The following RALGPS2 variants were observed in gnomAD, a reference collection of about 807,000 sequenced individuals.
The protein encoded by RALGPS2 is ras-specific guanine nucleotide-releasing factor RalGPS2.
A neutral mutation model predicts 86.8 loss-of-function variants in RALGPS2; 43 were observed. The observed-to-expected ratio is 0.50, with a 90% CI of 0.39 to 0.64. RALGPS2 has a LOEUF of 0.64. Among genes scored for constraint, RALGPS2 ranks in the 30% least tolerant of loss-of-function variants. The pLI is 0.00. For synonymous variants in RALGPS2, 243 were observed against 231.3 expected (o/e 1.05, Z -0.46); for missense variants, 536 against 694.6 (o/e 0.77, Z 2.57).
At chr1:178,803,361 A>G (rs1337532748) in intron 4 of RALGPS2, among the ~76,000 whole-genome samples, 1 of 151,926 alleles carries the variant, frequency 6.6e-6, no homozygotes, top group African/African-American at 2.4e-5. Flanking sequence ...TTAATTTGAT[A>G]GACACTTTGA....
At chr1:178,876,568 A>G (rs917158397) in intron 8 of RALGPS2, among the ~76,000 whole-genome samples, 2 of 152,240 alleles carry the variant, frequency 1.3e-5, no homozygotes, top group Non-Finnish European at 2.9e-5. Flanking sequence ...CATTTTAGGT[A>G]TAAGAAAAAG....
At chr1:178,883,412 A>G (rs942888212) in intron 10 of RALGPS2, 54 bp from the exon 11 acceptor site, 11 of 1,352,386 alleles carry the variant, frequency 8.1e-6, no homozygotes, top group Non-Finnish European at 1.1e-5. Flanking sequence ...CTTTAATCTT[A>G]TTTTGTCAAA....
chr1:178,897,094 AAAAC>A (rs1371657133), intron 16 of RALGPS2, among the ~76,000 whole-genome samples: 65 of 152,202 alleles, frequency 4.3e-4, no homozygotes, highest in African/African-American at 1.1e-3. Context: ...TTACAAGAAA[AAAAC>A]AAACAACCCC....
chr1:178,886,827 G>A (rs536753078), intron 13 of RALGPS2, among the ~76,000 whole-genome samples: 4 of 152,326 alleles, frequency 2.6e-5, no homozygotes, highest in Admixed American at 6.5e-5. Context: ...AGTATCTCAA[G>A]GAGGAGGAAA....
intron 8 of RALGPS2, among the ~76,000 whole-genome samples, chr1:178,876,705 C>T (rs1659019634): frequency 6.6e-6 from 1 of 152,142 alleles, no homozygotes; most frequent in Non-Finnish European, 1.5e-5. Context: ...TTCTCTCCAG[C>T]TATAGTTGTC....
intron 11 of RALGPS2, 105 bp downstream of exon 11, chr1:178,883,638 TA>T: frequency 2.4e-6 from 2 of 827,032 alleles, no homozygotes; most frequent in Admixed American, 2.7e-5. Flanking sequence ...ATACTGCATG[TA>T]AAATTTATTT....
At chr1:178,735,431 C>CTTTTTTTTTTTTT (rs565080292) in intron 1 of RALGPS2, among the ~76,000 whole-genome samples, 1 of 134,444 alleles carries the variant, frequency 7.4e-6, no homozygotes, top group African/African-American at 2.7e-5. Flanking sequence ...TTTTTCTTTT[C>CTTTTTTTTTTTTT]TTTTTTTTTT....
At chr1:178,916,232 G>A in intron 19 of RALGPS2, 98 bp from the exon 20 acceptor site, 1 of 933,632 alleles carries the variant, frequency 1.1e-6, no homozygotes, top group Non-Finnish European at 1.7e-6. Flanking sequence ...AGATACTTAA[G>A]TAGAAAGATT....
At chr1:178,877,477 A>G (rs1659053173) in intron 8 of RALGPS2, 21 bp from the exon 9 acceptor site, 1 of 1,611,238 alleles carries the variant, frequency 6.2e-7, no homozygotes, top group Non-Finnish European at 8.5e-7. Flanking sequence ...GAAAACGTTC[A>G]TTTATCTAAT....
chr1:178,856,432 A>G (rs1338887764), intron 8 of RALGPS2, among the ~76,000 whole-genome samples: 3 of 39,548 alleles, frequency 7.6e-5, no homozygotes, highest in African/African-American at 1.0e-4. Context: ...TTTTTGAGAG[A>G]TGAGGTCTTG....
intron 7 of RALGPS2, among the ~76,000 whole-genome samples, chr1:178,830,172 A>G (rs764181252): frequency 6.6e-6 from 1 of 152,228 alleles, no homozygotes; most frequent in Non-Finnish European, 1.5e-5. Flanking sequence ...GTATTAAAAC[A>G]TGTACACCTC....
rs1346331178 is a variant in RALGPS2, at chr1:178,920,533, G to A, written c.*4174G>A. The stretch of plus-strand genomic sequence containing the variant: ...AGTCTTTACAGAAACCTCTGTAGGT[G>A]ATTGTTGCAGTCTTCCTTGGTTTTT... On this transcript the variant is annotated 3_prime_UTR_variant, in exon 20 of 20. Coordinates refer to ENST00000367635, the MANE Select transcript of RALGPS2 (RefSeq NM_152663.5). 6.6e-6 allele frequency: 1 copy of A among 151,994 alleles called. No individual in the cohort carries two copies. Among genetic ancestry groups the A allele is most frequent in the Admixed American group, 6.6e-5 (1 of 15,250 alleles). The allele number at this position is 151,994 out of a possible 1,614,324, so 9.4% of individuals were successfully genotyped here. A position where few individuals can be genotyped will look rare whatever the true frequency, so the allele number is the denominator to read the frequency against.
intron 18 of RALGPS2, among the ~76,000 whole-genome samples, chr1:178,905,853 G>C (rs889293772): frequency 6.6e-6 from 1 of 152,056 alleles, no homozygotes; most frequent in African/African-American, 2.4e-5. Context: ...CAGCACAAAT[G>C]AATATCTAAT....
intron 1 of RALGPS2, among the ~76,000 whole-genome samples, chr1:178,767,481 G>A (rs1173944430): frequency 6.6e-6 from 1 of 151,312 alleles, no homozygotes; most frequent in Non-Finnish European, 1.5e-5. Flanking sequence ...TTGTGAAGGA[G>A]CCCCCTCTGT....
chr1:178,781,669 A>G (rs891119125), intron 2 of RALGPS2, among the ~76,000 whole-genome samples: 1 of 152,188 alleles, frequency 6.6e-6, no homozygotes, highest in African/African-American at 2.4e-5. Context: ...ATGGTTTACT[A>G]ACTTGGATGA....
chr1:178,883,719 C>T (rs1421324576), intron 11 of RALGPS2, among the ~76,000 whole-genome samples, 186 bp downstream of exon 11: 1 of 152,148 alleles, frequency 6.6e-6, no homozygotes, highest in African/African-American at 2.4e-5. Flanking sequence ...GGCAGGGTGG[C>T]TCACGCCTGT....
At chr1:178,775,631 G>A (rs1653042621) in intron 1 of RALGPS2, among the ~76,000 whole-genome samples, 1 of 152,116 alleles carries the variant, frequency 6.6e-6, no homozygotes, top group African/African-American at 2.4e-5. Flanking sequence ...GAAAATCTGT[G>A]TTGTGAAAAG....
At chr1:178,771,153 A>T in intron 1 of RALGPS2, among the ~76,000 whole-genome samples, 1 of 152,158 alleles carries the variant, frequency 6.6e-6, no homozygotes, top group East Asian at 1.9e-4. Flanking sequence ...TTATGTATTA[A>T]TAACTACAGG....
At chr1:178,832,255 G>T (rs1189100036) in intron 7 of RALGPS2, among the ~76,000 whole-genome samples, 1 of 152,152 alleles carries the variant, frequency 6.6e-6, no homozygotes, top group African/African-American at 2.4e-5. Flanking sequence ...AGGACCCCTT[G>T]ACGTTGTATT....
Sources: allele counts gnomAD v4.1 joint callset (sites outside exome capture counted in the v4.1 genomes callset), GRCh38; gene constraint gnomAD v4.1.1; transcripts MANE v1.5; gene names NCBI Gene and HGNC (gene_info 2026-07-23, HGNC 2026-07-21).